The following ABCA9 variants were observed in gnomAD, a reference collection of about 807,000 sequenced individuals.
ABCA9 encodes ATP-binding cassette sub-family A member 9.
A neutral mutation model predicts 205.3 loss-of-function variants in ABCA9; 183 were observed. The ratio of observed to expected loss-of-function variants is 0.89; its 90% CI spans 0.79 to 1.01. The LOEUF is 1.01. Among genes scored for constraint, ABCA9 ranks in the 50% least tolerant of loss-of-function variants. The pLI, the probability that ABCA9 is intolerant of heterozygous loss-of-function variation, is 0.00. For synonymous variants in ABCA9, 651 were observed against 683.3 expected, an observed-to-expected ratio of 0.95 and a Z score of 0.74; for missense variants, 1,805 against 1,912.4, an observed-to-expected ratio of 0.94 and a Z score of 1.05.
At chr17:69,077,444 T>TTGTTCTGTGTGCAGAACATGTACTAC in the ABCA9 span, among the ~76,000 whole-genome samples, 1 of 152,268 alleles carries the variant, frequency 6.6e-6, no homozygotes, top group East Asian at 1.9e-4. Context: ...AATCTTGGAG[T>TTGTTCTGTGTGCAGAACATGTACTAC]ATGTTCTGTG....
chr17:68,976,058 T>G (rs1194020608), intron 38 of ABCA9, 45 bp from the exon 39 acceptor site: 6 of 1,604,980 alleles, frequency 3.7e-6, no homozygotes, highest in Non-Finnish European at 4.3e-6. Context: ...AATGCCATAC[T>G]GCCTCCTGCA....
upstream of ABCA9, among the ~76,000 whole-genome samples, chr17:69,061,462 T>A (rs530767622): frequency 5.3e-5 from 8 of 152,306 alleles, no homozygotes; most frequent in South Asian, 1.5e-3. Context: ...GTAATTTTCT[T>A]CAGGGTAACA....
chr17:69,009,720 G>T (rs531792537), intron 23 of ABCA9, among the ~76,000 whole-genome samples: 37 of 152,286 alleles, frequency 2.4e-4, no homozygotes, highest in African/African-American at 8.4e-4. Flanking sequence ...GAAGAGAGAT[G>T]ATGATGGCTC....
At chr17:69,072,949 C>T in the ABCA9 span, among the ~76,000 whole-genome samples, 1 of 152,050 alleles carries the variant, frequency 6.6e-6, no homozygotes, top group Middle Eastern at 3.2e-3. Flanking sequence ...GGGTTGCAAT[C>T]CTAGTCTCTG....
intron 25 of ABCA9, among the ~76,000 whole-genome samples, chr17:69,006,510 A>G (rs1188547855): frequency 6.6e-6 from 1 of 152,182 alleles, no homozygotes; most frequent in Admixed American, 6.5e-5. Context: ...ATTCTAAATA[A>G]CCTATTGTCG....
chr17:69,022,724 C>G (rs1019665831), intron 17 of ABCA9, among the ~76,000 whole-genome samples: 1 of 152,014 alleles, frequency 6.6e-6, no homozygotes, highest in Non-Finnish European at 1.5e-5. Flanking sequence ...TGCACCTCCT[C>G]TCTCTGTCTC....
intron 23 of ABCA9, among the ~76,000 whole-genome samples, chr17:69,008,478 C>A (rs1048418850): frequency 1.3e-5 from 2 of 152,204 alleles, no homozygotes; most frequent in African/African-American, 2.4e-5. Context: ...TGTTATGTCA[C>A]AGAATGATTG....
chr17:69,026,422 G>A lies in ABCA9; in HGVS notation c.2096C>T (p.Ser699Phe), dbSNP rs774287545. The A allele has an allele frequency of 2.5e-6, 4 of 1,613,772 alleles. No individual in the cohort carries two copies. The East Asian group carries it at 6.7e-5, about 27-fold the overall frequency. ...ISNGKLKCAG[S>F]SLFLKKKWGI... ...CCATTTCTTCTTAAGGAACAGAGAA[G>A]AGCCTGCACACTTCAGCTTCCCATT... Residue 699 changes from serine (S) to phenylalanine (F), a missense_variant, in exon 16 of 39, where the codon TCT (serine) becomes TTT (phenylalanine). Transcript: ENST00000340001.
intron 10 of ABCA9, among the ~76,000 whole-genome samples, 163 bp downstream of exon 10, chr17:69,031,945 A>G (rs1045496574): frequency 6.6e-6 from 1 of 152,326 alleles, no homozygotes; most frequent in Admixed American, 6.5e-5. Context: ...GTGAGAAAAT[A>G]GAGTGCTATG....
the ABCA9 span, among the ~76,000 whole-genome samples, chr17:69,070,481 G>C: frequency 6.6e-6 from 1 of 152,120 alleles, no homozygotes; most frequent in Non-Finnish European, 1.5e-5. Context: ...CACCCGGGAA[G>C]AACAAGGGGT....
At chr17:69,056,544 C>T (rs573815331) in intron 1 of ABCA9, among the ~76,000 whole-genome samples, 7 of 152,286 alleles carry the variant, frequency 4.6e-5, no homozygotes, top group Admixed American at 2.0e-4. Context: ...GAAAGCATCA[C>T]TGGTGGTTCC....
intron 10 of ABCA9, among the ~76,000 whole-genome samples, chr17:69,030,770 T>C (rs533408696): frequency 2.6e-5 from 4 of 152,334 alleles, no homozygotes; most frequent in Admixed American, 1.3e-4. Context: ...TGATAAATTT[T>C]TTCCATATGT....
intron 37 of ABCA9, 33 bp from the exon 38 acceptor site, chr17:68,976,223 A>T (rs775185404): frequency 4.8e-6 from 7 of 1,459,716 alleles, no homozygotes; most frequent in Middle Eastern, 3.6e-4. Flanking sequence ...TAGGAATTCT[A>T]TTTTTTTTTT....
At chr17:69,009,267 G>T (rs996039657) in intron 23 of ABCA9, among the ~76,000 whole-genome samples, 2 of 152,136 alleles carry the variant, frequency 1.3e-5, no homozygotes, top group South Asian at 2.1e-4. Flanking sequence ...AAAGAGAAAC[G>T]AATTGTAACT....
rs576705713 is a variant in ABCA9, at chr17:69,011,584, CCAA to C, written c.3147+389_3147+391del. Reference sequence around the variant, plus strand: ...TGGAGCTTTAAATGGACAATATTTTCCAACAACAAGTCAAAGTGCTGTGGTGAG... The same window carrying C: ...TGGAGCTTTAAATGGACAATATTTTCCAACAAGTCAAAGTGCTGTGGTGAG... On this transcript the variant is annotated intron_variant, in intron 23 of 38. Coordinates refer to ENST00000340001, the MANE Select transcript of ABCA9 (RefSeq NM_080283.4). Among the ~76,000 whole-genome samples, 17 of 152,140 alleles carry C rather than the reference CCAA, an allele frequency of 1.1e-4. No individual in the cohort carries two copies. The East Asian group carries it at 2.3e-3, about 21-fold the overall frequency.
At chr17:68,993,201 C>T (rs2069511939) in intron 26 of ABCA9, 117 bp from the exon 27 acceptor site, 1 of 775,948 alleles carries the variant, frequency 1.3e-6, no homozygotes, top group Non-Finnish European at 2.1e-6. Flanking sequence ...CGACCTGATG[C>T]TCCCTTGGGT....
At chr17:69,066,090 C>T in the ABCA9 span, among the ~76,000 whole-genome samples, 7 of 152,174 alleles carry the variant, frequency 4.6e-5, no homozygotes, top group African/African-American at 9.7e-5. Flanking sequence ...TTACTAGCAA[C>T]GTGAGAACGA....
intron 11 of ABCA9, 43 bp from the exon 12 acceptor site, chr17:69,028,688 T>G (rs371911123): frequency 8.0e-7 from 1 of 1,243,102 alleles, no homozygotes; most frequent in Non-Finnish European, 1.1e-6. Flanking sequence ...GCCTACATAT[T>G]AACTTTACAG....
chr17:69,031,988 G>C (rs2071164979), intron 10 of ABCA9, 120 bp downstream of exon 10: 2 of 829,864 alleles, frequency 2.4e-6, no homozygotes, highest in Non-Finnish European at 1.9e-6. Flanking sequence ...GAGTGCAGCA[G>C]GCTGGCTGTA....
Sources: gnomAD v4.1 joint callset for allele counts (sites outside exome capture counted in the v4.1 genomes callset) on GRCh38, gnomAD v4.1.1 for gene constraint, MANE v1.5 for transcripts, NCBI Gene and HGNC (gene_info 2026-07-23, HGNC 2026-07-21) for gene names.